Variants in FCHO1 observed in about 807,000 individuals in gnomAD.
FCHO1 encodes the protein FCH and mu domain containing endocytic adaptor 1.
FCHO1 carries 45 observed loss-of-function variants against 114.4 expected under a neutral mutation model. That is an observed-to-expected ratio of 0.39 (90% CI 0.31 to 0.50). FCHO1 has a LOEUF of 0.50. FCHO1 is among the 20% of genes least tolerant of loss of function. The pLI is 0.77. For missense variants in FCHO1, 1,042 were observed against 1,209.6 expected, an observed-to-expected ratio of 0.86 and a Z score of 2.06; for synonymous variants, 480 against 488.9, an observed-to-expected ratio of 0.98 and a Z score of 0.24.
rs1599600516 is a variant in FCHO1, at chr19:17,762,758, G to C, written c.28-4G>C. On this transcript the variant is annotated splice_region_variant and splice_polypyrimidine_tract_variant and intron_variant, in intron 4 of 28. Transcript: ENST00000596536. Reference sequence around the variant, plus strand: ...TTCTCAATCTCTATTCCCATCCCCTGCAGGGCGAGAAAAATCATGGCTTTG... The same window carrying C: ...TTCTCAATCTCTATTCCCATCCCCTCCAGGGCGAGAAAAATCATGGCTTTG... 1.4e-5 allele frequency: 22 copies of C among 1,609,454 alleles called. 1 individual carries two copies. In the East Asian group the frequency reaches 4.7e-4, roughly 34 times the overall value.
chr19:17,774,716 T>C (rs998435242), intron 13 of FCHO1: 12 of 589,998 alleles, frequency 2.0e-5, no homozygotes, highest in African/African-American at 1.9e-4. Flanking sequence ...AGGAATTGCC[T>C]GTCCCAGAGT....
Position 17,775,367 on chromosome 19 carries a change from T to G in FCHO1, c.946-89T>G. 3 of 1,366,210 alleles carry G rather than the reference T, an allele frequency of 2.2e-6. No individual in the cohort carries two copies. The highest frequency in any genetic ancestry group is 3.1e-6 in the Non-Finnish European group (3 of 955,856). 84.6% of individuals were successfully genotyped at this position (1,366,210 alleles called of 1,614,324 possible). On this transcript the variant is annotated intron_variant, in intron 14 of 28. Transcript: ENST00000596536. The surrounding 1 kb of genome is among the most constrained non-coding windows in gnomAD (Gnocchi z 5.1). ...TGGTTTTGAGGTCTGAGTCAAGGCC[T>G]GGGGGCAGGGCGGGGGGCGGTTGGC...
In FCHO1 at chr19:17,774,297, G is replaced by A. The variant is rs2092293446; in HGVS notation, c.835+14G>A. ...CCCTGCAGGAAGGCAAGTACGTCTGGGCCTGGATGCCCAGGCTGGACCATG... is the reference window on the plus strand; with the variant it reads ...CCCTGCAGGAAGGCAAGTACGTCTGAGCCTGGATGCCCAGGCTGGACCATG... On this transcript the variant is annotated intron_variant, in intron 12 of 28. Coordinates refer to ENST00000596536, the MANE Select transcript of FCHO1 (RefSeq NM_015122.3). 6.2e-7 allele frequency: 1 copy of A among 1,613,992 alleles called. No homozygotes were observed. Among genetic ancestry groups the A allele is most frequent in the Non-Finnish European group, 8.5e-7 (1 of 1,179,946 alleles).
chr19:17,772,829 A>T (rs537215544), intron 11 of FCHO1, 88 bp downstream of exon 11: 25 of 934,894 alleles, frequency 2.7e-5, no homozygotes, highest in African/African-American at 2.4e-4. Flanking sequence ...TTTTTTTTTT[A>T]TTTTTTTATT....
At chr19:17,764,500 G>C (rs2087890950) in intron 6 of FCHO1, 51 bp downstream of exon 6, 2 of 1,468,026 alleles carry the variant, frequency 1.4e-6, no homozygotes, top group Admixed American at 1.9e-5. Flanking sequence ...CCTCCTCCTT[G>C]GTGGACATCT....
intron 6 of FCHO1, among the ~76,000 whole-genome samples, chr19:17,765,269 G>A (rs891588538): frequency 1.3e-5 from 2 of 152,126 alleles, no homozygotes; most frequent in African/African-American, 4.8e-5. Flanking sequence ...GCATGTTTAC[G>A]GAAGAGTGAG....
In FCHO1 at chr19:17,777,535, CAA is replaced by C. The variant is rs34293409; in HGVS notation, c.1260-576_1260-575del. Among the ~76,000 whole-genome samples, 169 of 74,814 alleles carry C rather than the reference CAA, an allele frequency of 2.3e-3. 1 individual carries two copies. Among genetic ancestry groups the C allele is most frequent in the East Asian group, 0.011 (21 of 1,952 alleles). The allele number at this position is 74,814 out of a possible 152,430, so 49.1% of individuals were successfully genotyped here. A position where few individuals can be genotyped will look rare whatever the true frequency, so the allele number is the denominator to read the frequency against. ...TGGGCAGCAAGAGGAAACTCCGTCT[CAA>C]AAAAAAAAAAAAAAAAAAAAAAAAA... On this transcript the variant is annotated intron_variant, in intron 18 of 28. Coordinates refer to ENST00000596536, the MANE Select transcript of FCHO1 (RefSeq NM_015122.3).
chr19:17,773,068 T>C (rs1022233332), intron 11 of FCHO1, among the ~76,000 whole-genome samples: 1 of 152,224 alleles, frequency 6.6e-6, no homozygotes, highest in Non-Finnish European at 1.5e-5. Context: ...GAGCCTTGAA[T>C]GCCAGGCTTG....
intron 5 of FCHO1, among the ~76,000 whole-genome samples, chr19:17,763,227 C>T (rs2087105419): frequency 1.4e-5 from 2 of 147,232 alleles, no homozygotes; most frequent in Non-Finnish European, 3.0e-5. Flanking sequence ...TCCCGAGTAG[C>T]TGGGACTATA....
intron 9 of FCHO1, among the ~76,000 whole-genome samples, chr19:17,771,182 G>A (rs1885554678): frequency 6.6e-6 from 1 of 151,806 alleles, no homozygotes; most frequent in African/African-American, 2.4e-5. Flanking sequence ...GAACCAGAAG[G>A]CGGAGGTTGC....
At chr19:17,785,204 G>GTTTA (rs772728791) in intron 26 of FCHO1, among the ~76,000 whole-genome samples, 29 of 152,086 alleles carry the variant, frequency 1.9e-4, no homozygotes, top group Middle Eastern at 3.4e-3. Flanking sequence ...AAAATATTTT[G>GTTTA]TTTATTTATT....
rs966865490 is a variant in FCHO1 at position 17,774,110 on chromosome 19, T to G, written c.791-129T>G. ...TTTTAGCAGAGACAGGGTTTCACCA[T>G]GGTGGCCAGGCTGGTCTTGAACTCC... On this transcript the variant is annotated intron_variant, in intron 11 of 28. Transcript: ENST00000596536. 20 of 788,944 alleles carry G rather than the reference T, an allele frequency of 2.5e-5. No homozygotes were observed. In the African/African-American group the frequency reaches 3.4e-4, roughly 13 times the overall value. The allele number at this position is 788,944 out of a possible 1,614,324, so 48.9% of individuals were successfully genotyped here. A position where few individuals can be genotyped will look rare whatever the true frequency, so the allele number is the denominator to read the frequency against.
chr19:17,758,077 T>C (rs1360714702), intron 4 of FCHO1, among the ~76,000 whole-genome samples: 1 of 151,926 alleles, frequency 6.6e-6, no homozygotes, highest in East Asian at 1.9e-4. Context: ...TAGCCGGGTA[T>C]GGTGGCGGGC....
At chr19:17,773,785 C>T (rs1445297233) in intron 11 of FCHO1, among the ~76,000 whole-genome samples, 1 of 152,086 alleles carries the variant, frequency 6.6e-6, no homozygotes, top group Non-Finnish European at 1.5e-5. Context: ...GGTTCTTGTC[C>T]GGGAACCTGA....
intron 26 of FCHO1, among the ~76,000 whole-genome samples, chr19:17,785,315 G>A (rs943009739): frequency 6.6e-6 from 1 of 152,182 alleles, no homozygotes; most frequent in African/African-American, 2.4e-5. Context: ...CGCCTCCCGG[G>A]TTCAAGCGAT....
At position 17,778,848 on chromosome 19, in the gene FCHO1, C is replaced by A; in HGVS notation, c.1591C>A (p.Pro531Thr). The change falls in exon 20 of 29, where the codon CCA becomes ACA. Residue 531 changes from proline to threonine, a missense_variant. Around this residue, in one of 3 missense-constraint regions of FCHO1, gnomAD observed 455 missense variants for 455.4 expected, o/e 1.00. Transcript: ENST00000596536. ...CTCGCCGCAGCCCCTCGCCTCGTCT[C>A]CAGGCCCCTGGGGGCTGGAGGCCTT... ...PDSPQPLASS[P>T]GPWGLEALAG... 6.4e-7 allele frequency: 1 copy of A among 1,566,418 alleles called. No homozygotes were observed. Among genetic ancestry groups the A allele is most frequent in the East Asian group, 2.3e-5 (1 of 43,770 alleles).
upstream of FCHO1, among the ~76,000 whole-genome samples, chr19:17,750,543 C>T (rs1014135786): frequency 1.3e-5 from 2 of 152,074 alleles, no homozygotes; most frequent in Non-Finnish European, 2.9e-5. Context: ...ACTGCAACCT[C>T]CATCTCCTGG....
intron 4 of FCHO1, among the ~76,000 whole-genome samples, chr19:17,759,264 C>T (rs1181461137): frequency 2.3e-5 from 3 of 128,020 alleles, no homozygotes; most frequent in Non-Finnish European, 4.7e-5. Context: ...GCTCTGTCAG[C>T]CAGGCTGGAG....
At chr19:17,755,605 C>T (rs957935523) in intron 4 of FCHO1, 1 of 168,924 alleles carries the variant, frequency 5.9e-6, no homozygotes, top group South Asian at 1.4e-4. Context: ...GGCCTGTGCA[C>T]CCCTCCACTG....
Sources: gnomAD v4.1 joint callset for allele counts (sites outside exome capture counted in the v4.1 genomes callset) on GRCh38, gnomAD v4.1.1 for gene constraint, gnomAD v4.1.1 regional missense constraint, Gnocchi (gnomAD v3.1) non-coding constraint, MANE v1.5 for transcripts, NCBI Gene and HGNC (gene_info 2026-07-23, HGNC 2026-07-21) for gene names.